The following SMTN variants were observed in gnomAD, a reference collection of about 807,000 sequenced individuals.
SMTN encodes the protein smoothelin.
A neutral mutation model predicts 102.0 loss-of-function variants in SMTN; 58 were observed. The ratio of observed to expected loss-of-function variants is 0.57; its 90% CI spans 0.46 to 0.71. SMTN has a LOEUF of 0.71. Ranked by LOEUF, SMTN falls within the 30% of genes least tolerant of loss-of-function variation. The pLI is 0.00. For synonymous variants in SMTN, 478 were observed against 497.9 expected (o/e 0.96, Z 0.53); for missense variants, 1,185 against 1,241.7 (o/e 0.95, Z 0.69).
At chr22:31,084,548 G>A (rs1028998134) in intron 2 of SMTN, among the ~76,000 whole-genome samples, 1 of 152,196 alleles carries the variant, frequency 6.6e-6, no homozygotes, top group African/African-American at 2.4e-5. Flanking sequence ...CAGTCAGTTC[G>A]ACCTTCCCTC....
intron 11 of SMTN, chr22:31,093,554 C>T (rs2043306207): frequency 1.4e-6 from 1 of 720,566 alleles, no homozygotes; most frequent in Non-Finnish European, 2.6e-6. Flanking sequence ...GGCCGGGTGG[C>T]AGTGACCCAG....
In SMTN at chr22:31,104,603, A is replaced by C; in HGVS notation, c.*308A>C. On this transcript the variant is annotated 3_prime_UTR_variant, in exon 21 of 21. Transcript: ENST00000333137. ...CCCCACATACACACGCAGCGTTTTGATAAATTATTGGTTTTCAACGATCCT... is the reference window on the plus strand; with the variant it reads ...CCCCACATACACACGCAGCGTTTTGCTAAATTATTGGTTTTCAACGATCCT... 1.1e-6 allele frequency: 1 copy of C among 897,464 alleles called. No individual in the cohort carries two copies. Among genetic ancestry groups the C allele is most frequent in the Non-Finnish European group, 1.7e-6 (1 of 583,886 alleles). 55.6% of individuals were successfully genotyped at this position (897,464 alleles called of 1,614,324 possible). A position where few individuals can be genotyped will look rare whatever the true frequency, so the allele number is the denominator to read the frequency against.
At chr22:31,087,385 A>T (rs1247970560) in intron 2 of SMTN, among the ~76,000 whole-genome samples, 1 of 152,164 alleles carries the variant, frequency 6.6e-6, no homozygotes, top group Non-Finnish European at 1.5e-5. Flanking sequence ...GGCTTCTTCC[A>T]TGGTGGCTAG....
intron 11 of SMTN, chr22:31,093,829 A>G: frequency 1.3e-6 from 2 of 1,590,486 alleles, no homozygotes; most frequent in Non-Finnish European, 8.5e-7. Context: ...ACCTGCCTTC[A>G]GCACCCGCCG....
intron 2 of SMTN, among the ~76,000 whole-genome samples, chr22:31,087,669 C>A (rs577992039): frequency 4.6e-5 from 7 of 152,284 alleles, no homozygotes; most frequent in African/African-American, 1.4e-4. Context: ...AGGCAGGAAT[C>A]GAGTTGTAGA....
intron 1 of SMTN, among the ~76,000 whole-genome samples, chr22:31,072,176 T>C (rs2042020281): frequency 6.6e-6 from 1 of 152,190 alleles, no homozygotes; most frequent in Admixed American, 6.5e-5. Context: ...GTAAGTCCCA[T>C]GTACCAGGAT....
rs2043102350 is a variant in SMTN at position 31,091,170 on chromosome 22, T to C, written c.1147T>C (p.Ser383Pro). Residue 383 changes from serine to proline, a missense_variant, in exon 10 of 21, where the codon TCT becomes CCT. Around this residue, in one of 2 missense-constraint regions of SMTN, gnomAD observed 1,096 missense variants for 1,112.7 expected, o/e 0.98. Coordinates refer to ENST00000333137, the MANE Select transcript of SMTN (RefSeq NM_134269.3). ...TGCCTCCTCCTCCAGCGGCTCCTCCTCTCGGGGCCCCAGTGATACCTCCTC... is the reference window on the plus strand; with the variant it reads ...TGCCTCCTCCTCCAGCGGCTCCTCCCCTCGGGGCCCCAGTGATACCTCCTC... ...TPASSSSGSS[S>P]RGPSDTSSRF... is the part of the protein sequence containing the mutation. 9 of 1,613,186 alleles carry C rather than the reference T, an allele frequency of 5.6e-6. No homozygotes were observed. Among genetic ancestry groups the C allele is most frequent in the Non-Finnish European group, 7.6e-6 (9 of 1,179,736 alleles).
intron 17 of SMTN, 96 bp downstream of exon 17, chr22:31,098,936 G>T: frequency 6.5e-7 from 1 of 1,548,682 alleles, no homozygotes; most frequent in Non-Finnish European, 8.8e-7. Flanking sequence ...CGGGAAGACC[G>T]CGCGGCTAGA....
intron 18 of SMTN, 34 bp from the exon 19 acceptor site, chr22:31,099,711 C>T (rs1449622271): frequency 1.9e-6 from 3 of 1,605,850 alleles, no homozygotes; most frequent in Non-Finnish European, 2.6e-6. Flanking sequence ...GGAGTTGCCC[C>T]CAGGTTCCTG....
At position 31,097,302 on chromosome 22, in the gene SMTN, C is replaced by T. The variant is rs770955015; in HGVS notation, c.2123C>T (p.Thr708Ile). The change falls in exon 16 of 21, where the codon ACC becomes ATC. Residue 708 changes from threonine to isoleucine, a missense_variant. Thr to Ile is a moderately conservative substitution (Grantham distance 89). Around this residue, in one of 2 missense-constraint regions of SMTN, gnomAD observed 1,096 missense variants for 1,112.7 expected, o/e 0.98. Transcript: ENST00000333137. The stretch of plus-strand genomic sequence containing the variant: ...GGCAGCACCATGATGCAAACCAAGA[C>T]CTTCTCCTCTTCCTCCTCATCCAAG... ...GSGSTMMQTK[T>I]FSSSSSSKKM... 2.7e-5 allele frequency: 44 copies of T among 1,614,052 alleles called. 1 individual carries two copies. The highest frequency in any genetic ancestry group is 1.4e-4 in the South Asian group (13 of 91,076).
exon 1 of SMTN, chr22:31,064,128 G>T (rs1362522506): frequency 6.6e-6 from 1 of 152,242 alleles, no homozygotes; most frequent in Non-Finnish European, 1.5e-5. Flanking sequence ...GTAACAACAT[G>T]GCAGCTCCCA....
chr22:31,098,874 C>A, intron 17 of SMTN, 34 bp downstream of exon 17: 1 of 1,426,496 alleles, frequency 7.0e-7, no homozygotes, highest in Non-Finnish European at 9.5e-7. Context: ...CAGTGGGGGG[C>A]GGGGCGTGAT....
intron 13 of SMTN, chr22:31,096,168 C>T (rs1306747493): frequency 3.0e-5 from 5 of 169,128 alleles, no homozygotes; most frequent in Non-Finnish European, 6.4e-5. Flanking sequence ...CACTGATGGC[C>T]ACCCCAGTCT....
chr22:31,098,715 G>A lies in SMTN; in HGVS notation c.2208G>A (p.Ala736=). 1 of 1,613,582 alleles carries A rather than the reference G, an allele frequency of 6.2e-7. No individual in the cohort carries two copies. ...DQASPRAGSL[A]ALEKRQAEKK... is the part of the protein sequence containing the mutation. The stretch of plus-strand genomic sequence containing the variant: ...CCAGCCCACGGGCCGGCAGCCTGGC[G>A]GCGCTCGAGAAACGGCAGGCCGAGA... The change falls in exon 17 of 21, where the codon GCG becomes GCA. Residue 736 remains alanine (A), a synonymous_variant. Transcript: ENST00000333137.
intron 8 of SMTN, 27 bp downstream of exon 8, chr22:31,090,207 A>G (rs756986696): frequency 5.7e-6 from 9 of 1,573,100 alleles, no homozygotes; most frequent in Non-Finnish European, 7.8e-6. Flanking sequence ...GGGTAGTCAC[A>G]GGCATCTTTC....
intron 1 of SMTN, among the ~76,000 whole-genome samples, chr22:31,076,242 GCAGCCT>G (rs1346456639): frequency 6.6e-6 from 1 of 152,208 alleles, no homozygotes; most frequent in African/African-American, 2.4e-5. Flanking sequence ...GAGCCCTTCT[GCAGCCT>G]CAGCACTTTT....
intron 1 of SMTN, among the ~76,000 whole-genome samples, chr22:31,069,542 G>A (rs1165647178): frequency 6.6e-6 from 1 of 152,222 alleles, no homozygotes; most frequent in Non-Finnish European, 1.5e-5. Context: ...GCAAGACCTG[G>A]CCAGCTGGCC....
At chr22:31,081,182 T>C (rs118006664), upstream of SMTN, 7,139 of 151,170 alleles carry the variant, frequency 0.047, 237 homozygotes, top group Middle Eastern at 0.088. Context: ...GGGGCCTTCC[T>C]CTCGGGGCGT....
intron 2 of SMTN, chr22:31,085,109 G>T: frequency 1.3e-6 from 2 of 1,535,218 alleles, no homozygotes; most frequent in East Asian, 2.4e-5. Flanking sequence ...CTTGCACGCC[G>T]CGTGCCCCTC....
Sources: allele counts gnomAD v4.1 joint callset (sites outside exome capture counted in the v4.1 genomes callset), GRCh38; gene constraint gnomAD v4.1.1; regional missense constraint gnomAD v4.1.1; transcripts MANE v1.5; gene names NCBI Gene and HGNC (gene_info 2026-07-23, HGNC 2026-07-21).